SGCD: variants seen among roughly 807,000 people sequenced by gnomAD.
SGCD encodes the protein sarcoglycan delta.
In SGCD, 18 loss-of-function variants were observed where a neutral mutation model predicts 36.6. The observed-to-expected ratio is 0.49, with a 90% CI of 0.34 to 0.73. The LOEUF (loss-of-function observed/expected upper bound fraction) is 0.73, where lower values mean the gene tolerates loss of function less well. Ranked by LOEUF, SGCD falls within the 30% of genes least tolerant of loss-of-function variation. The probability of loss-of-function intolerance (pLI) is 0.01; values close to 1 mark genes in which losing one functional copy is unlikely to be tolerated. For synonymous variants in SGCD, 133 were observed against 130.6 expected, an observed-to-expected ratio of 1.02 and a Z score of -0.12; for missense variants, 387 against 346.7, an observed-to-expected ratio of 1.12 and a Z score of -0.92.
In SGCD at chr5:156,241,251, CGTGTGTGTGTGT is replaced by C. The variant is rs60843726; in HGVS notation, c.-43-88257_-43-88246del. On this transcript the variant is annotated intron_variant, in intron 3 of 9. Transcript: ENST00000517913. ...ACTGGCCTTGGAAATTAGACCAAAACGTGTGTGTGTGTGTGTGTGTGTGTGTGTGTGTGTGTG... is the reference window on the plus strand; with the variant it reads ...ACTGGCCTTGGAAATTAGACCAAAACGTGTGTGTGTGTGTGTGTGTGTGTG... 9.0e-5 allele frequency among the ~76,000 whole-genome samples: 13 copies of C among 145,180 alleles called. No individual in the cohort carries two copies. The East Asian group carries it at 1.2e-3, about 14-fold the overall frequency.
chr5:156,709,879 G>A (rs1754911664), intron 7 of SGCD, among the ~76,000 whole-genome samples: 1 of 151,518 alleles, frequency 6.6e-6, no homozygotes, highest in African/African-American at 2.4e-5. Context: ...TGGGGAAATG[G>A]GAAGGGAATC....
intron 1 of SGCD, among the ~76,000 whole-genome samples, chr5:156,045,086 C>T (rs1249015912): frequency 1.3e-5 from 2 of 152,138 alleles, no homozygotes; most frequent in African/African-American, 4.8e-5. Context: ...ACATTTGAGA[C>T]AGAAAGAGAA....
At chr5:156,160,193 G>A (rs1344080337) in intron 3 of SGCD, among the ~76,000 whole-genome samples, 3 of 151,536 alleles carry the variant, frequency 2.0e-5, no homozygotes, top group Non-Finnish European at 4.4e-5. Flanking sequence ...AAGGAAATAT[G>A]TCATCATCTT....
the SGCD span, among the ~76,000 whole-genome samples, chr5:155,820,907 G>A: frequency 6.6e-6 from 1 of 152,138 alleles, no homozygotes; most frequent in East Asian, 1.9e-4. Flanking sequence ...CAATTCTTAA[G>A]TCTCTGTACT....
At chr5:155,793,838 C>A in the SGCD span, among the ~76,000 whole-genome samples, 1 of 151,518 alleles carries the variant, frequency 6.6e-6, no homozygotes, top group African/African-American at 2.4e-5. Flanking sequence ...GATGAGCCAC[C>A]GCGCTCATCC....
intron 4 of SGCD, among the ~76,000 whole-genome samples, chr5:156,545,917 C>G (rs767799747): frequency 1.1e-4 from 17 of 152,282 alleles, no homozygotes; most frequent in Admixed American, 2.0e-4. Flanking sequence ...GCTTTAGCTC[C>G]AAGTTTTATG....
intron 6 of SGCD, among the ~76,000 whole-genome samples, chr5:156,619,187 G>A (rs1238137154): frequency 6.6e-6 from 1 of 152,040 alleles, no homozygotes; most frequent in Non-Finnish European, 1.5e-5. Flanking sequence ...CACGACGCCC[G>A]GCTAATTTTT....
chr5:156,277,546 A>G (rs1319618159), intron 3 of SGCD, among the ~76,000 whole-genome samples: 2 of 152,192 alleles, frequency 1.3e-5, no homozygotes, highest in African/African-American at 4.8e-5. Flanking sequence ...GGTGAGTAAA[A>G]GAGGGACAGA....
At chr5:156,752,977 T>C (rs1757204439) in intron 7 of SGCD, among the ~76,000 whole-genome samples, 1 of 152,132 alleles carries the variant, frequency 6.6e-6, no homozygotes, top group South Asian at 2.1e-4. Flanking sequence ...CATCACCTAT[T>C]TAGTCTTGGT....
chr5:155,994,513 T>C (rs1431804770), intron 1 of SGCD, among the ~76,000 whole-genome samples: 1 of 152,208 alleles, frequency 6.6e-6, no homozygotes. Context: ...TGTGATGTTA[T>C]AGGTTTTATA....
intron 3 of SGCD, among the ~76,000 whole-genome samples, chr5:156,358,179 A>G (rs1769585231): frequency 6.6e-6 from 1 of 152,222 alleles, no homozygotes; most frequent in African/African-American, 2.4e-5. Flanking sequence ...AGACAGAGGA[A>G]AAGTATCATT....
rs964857733 is a variant in SGCD at position 156,144,528 on chromosome 5, A to G, written c.-44+20509A>G. On this transcript the variant is annotated intron_variant, in intron 3 of 9. Coordinates refer to the SGCD transcript ENST00000517913. ...TTTTCATGTGTCTTTTGGCTGCATA[A>G]ATGTCTTCTTTTGAGAAGTGTCTGT... 1.4e-4 allele frequency among the ~76,000 whole-genome samples: 22 copies of G among 152,100 alleles called. 2 individuals are homozygous for G. Among genetic ancestry groups the G allele is most frequent in the Admixed American group, 1.3e-3 (20 of 15,272 alleles).
In SGCD at chr5:156,060,907, C is replaced by A. The variant is rs1168340546; in HGVS notation, c.-281-56971C>A. 2.8e-5 allele frequency among the ~76,000 whole-genome samples: 4 copies of A among 145,420 alleles called. 1 individual carries two copies. Among genetic ancestry groups the A allele is most frequent in the African/African-American group, 9.9e-5 (4 of 40,474 alleles). On this transcript the variant is annotated intron_variant, in intron 1 of 9. Transcript: ENST00000517913. ...AATATAGCCATAAGAAAGGGCCACC[C>A]AGATGTGTGTTTTTCCCATATGCCA...
chr5:155,861,948 A>G, the SGCD span, among the ~76,000 whole-genome samples: 1 of 152,182 alleles, frequency 6.6e-6, no homozygotes, highest in African/African-American at 2.4e-5. Flanking sequence ...CATTTTATGT[A>G]CTAGCTGCTC....
intron 3 of SGCD, among the ~76,000 whole-genome samples, chr5:156,140,467 G>A (rs185879599): frequency 9.5e-4 from 145 of 152,230 alleles, no homozygotes; most frequent in Non-Finnish European, 7.8e-4. Context: ...ATATCTTATT[G>A]GAAACAGAAG....
At chr5:155,852,489 A>G in the SGCD span, among the ~76,000 whole-genome samples, 1 of 152,190 alleles carries the variant, frequency 6.6e-6, no homozygotes, top group South Asian at 2.1e-4. Flanking sequence ...CCTAACTTTT[A>G]TAATTATTTC....
upstream of SGCD, among the ~76,000 whole-genome samples, chr5:156,323,515 G>A (rs901431626): frequency 2.0e-5 from 3 of 152,138 alleles, no homozygotes; most frequent in Admixed American, 1.3e-4. Context: ...GGGTAAAAAT[G>A]AGGGTCTACT....
chr5:155,860,209 A>G, the SGCD span, among the ~76,000 whole-genome samples: 1 of 152,230 alleles, frequency 6.6e-6, no homozygotes, highest in Admixed American at 6.5e-5. Context: ...GATCAGGCCA[A>G]TGACTCAGAA....
At chr5:156,203,688 G>A (rs775640552) in intron 3 of SGCD, among the ~76,000 whole-genome samples, 2 of 152,080 alleles carry the variant, frequency 1.3e-5, no homozygotes, top group Admixed American at 6.6e-5. Context: ...GAGACTTCTA[G>A]CTGGAAATGA....
Sources: gnomAD v4.1 joint callset for allele counts (sites outside exome capture counted in the v4.1 genomes callset) on GRCh38, gnomAD v4.1.1 for gene constraint, MANE v1.5 for transcripts, NCBI Gene and HGNC (gene_info 2026-07-23, HGNC 2026-07-21) for gene names.